The following RORA variants were observed in gnomAD, a reference collection of about 807,000 sequenced individuals.
RORA encodes nuclear receptor ROR-alpha.
A neutral mutation model predicts 69.5 loss-of-function variants in RORA; 7 were observed. The observed-to-expected ratio is 0.10, with a 90% CI of 0.06 to 0.19. The LOEUF is 0.19. Among genes scored for constraint, RORA ranks in the 10% least tolerant of loss-of-function variants. The pLI is 1.00. For missense variants in RORA, 457 were observed against 663.0 expected (o/e 0.69, Z 3.41); for synonymous variants, 261 against 240.8 (o/e 1.08, Z -0.78).
At chr15:60,855,139 T>G (rs1271633972) in intron 1 of RORA, among the ~76,000 whole-genome samples, 2 of 152,224 alleles carry the variant, frequency 1.3e-5, no homozygotes, top group Non-Finnish European at 2.9e-5. Flanking sequence ...CGCATATAAC[T>G]TCTTGGGAGA....
chr15:61,177,234 C>T (rs2079637219), intron 1 of RORA, among the ~76,000 whole-genome samples: 1 of 152,082 alleles, frequency 6.6e-6, no homozygotes, highest in South Asian at 2.1e-4. Context: ...CTAGAGAATC[C>T]AAGTGAGCAC....
chr15:60,824,177 T>G (rs2140382548), intron 1 of RORA, among the ~76,000 whole-genome samples: 1 of 152,306 alleles, frequency 6.6e-6, no homozygotes, highest in East Asian at 1.9e-4. Context: ...CACTATGGGC[T>G]GCCATAATCA....
rs1567202027 is a variant in RORA at position 60,819,757 on chromosome 15, A to ACACACACACACACACACACACACACG, written c.167-141072_167-141071insCGTGTGTGTGTGTGTGTGTGTGTGTG. On this transcript the variant is annotated intron_variant, in intron 1 of 10. Transcript: ENST00000335670. Reference sequence around the variant, plus strand: ...TGAAGTCAAACCCAGACACACACACACACACACACACACACACACACACAC... The same window carrying ACACACACACACACACACACACACACG: ...TGAAGTCAAACCCAGACACACACACACACACACACACACACACACACACACGCACACACACACACACACACACACAC... 2.6e-3 allele frequency among the ~76,000 whole-genome samples: 157 copies of ACACACACACACACACACACACACACG among 59,600 alleles called. 2 individuals are homozygous for ACACACACACACACACACACACACACG. The highest frequency in any genetic ancestry group is 5.7e-3 in the African/African-American group (152 of 26,670). The allele number at this position is 59,600 out of a possible 152,430, so 39.1% of individuals were successfully genotyped here.
intron 1 of RORA, among the ~76,000 whole-genome samples, chr15:60,906,878 G>A (rs968684378): frequency 6.6e-6 from 1 of 152,132 alleles, no homozygotes; most frequent in Non-Finnish European, 1.5e-5. Flanking sequence ...TTGAGCATTT[G>A]AGCTAAGAGC....
chr15:60,572,239 T>C (rs1412337454), intron 2 of RORA, among the ~76,000 whole-genome samples: 1 of 152,232 alleles, frequency 6.6e-6, no homozygotes, highest in South Asian at 2.1e-4. Context: ...GGAGAAGATG[T>C]GGTCCTGCAT....
intron 1 of RORA, among the ~76,000 whole-genome samples, chr15:61,135,146 T>TAA (rs59644906): frequency 0.021 from 1,160 of 56,570 alleles, 17 homozygotes; most frequent in African/African-American, 0.037. Flanking sequence ...CATCTCTTAC[T>TAA]AAAAAAAAAA....
At chr15:60,830,582 G>A (rs1446058268) in intron 1 of RORA, among the ~76,000 whole-genome samples, 3 of 152,146 alleles carry the variant, frequency 2.0e-5, no homozygotes, top group African/African-American at 7.2e-5. Context: ...CCTGGCTTCT[G>A]TAACTGTCTT....
chr15:61,041,955 G>A (rs1367147314), intron 1 of RORA, among the ~76,000 whole-genome samples: 3 of 152,164 alleles, frequency 2.0e-5, no homozygotes, highest in Non-Finnish European at 4.4e-5. Context: ...ACACAGAGAG[G>A]TTAAATAACT....
chr15:60,646,492 T>A (rs1299190671), intron 2 of RORA, among the ~76,000 whole-genome samples: 1 of 151,934 alleles, frequency 6.6e-6, no homozygotes, highest in Non-Finnish European at 1.5e-5. Flanking sequence ...TAGTGAGACA[T>A]GTGTCACTTT....
chr15:60,703,083 G>C (rs961052253), intron 1 of RORA, among the ~76,000 whole-genome samples: 1 of 151,914 alleles, frequency 6.6e-6, no homozygotes, highest in African/African-American at 2.4e-5. Context: ...AAGGAACAGT[G>C]TGGATGGTGA....
At chr15:60,802,650 C>T (rs183296101) in intron 1 of RORA, among the ~76,000 whole-genome samples, 14 of 152,196 alleles carry the variant, frequency 9.2e-5, no homozygotes, top group Admixed American at 5.2e-4. Context: ...GTGCATGTCA[C>T]GAGCCTGGTG....
chr15:60,995,799 A>G (rs1269852339), intron 1 of RORA, among the ~76,000 whole-genome samples: 1 of 152,178 alleles, frequency 6.6e-6, no homozygotes, highest in Non-Finnish European at 1.5e-5. Flanking sequence ...CCTCATTGTT[A>G]TGTCCACCAC....
At chr15:61,093,618 G>A (rs2078743667) in intron 1 of RORA, among the ~76,000 whole-genome samples, 1 of 152,232 alleles carries the variant, frequency 6.6e-6, no homozygotes, top group African/African-American at 2.4e-5. Flanking sequence ...TCAACAATAA[G>A]TAAGCATGCT....
intron 1 of RORA, among the ~76,000 whole-genome samples, chr15:61,119,425 T>C (rs1032617425): frequency 4.0e-5 from 6 of 150,910 alleles, no homozygotes; most frequent in Admixed American, 2.0e-4. Context: ...TATATATATA[T>C]ATATACACAC....
At chr15:61,126,031 T>C (rs2079139837) in intron 1 of RORA, among the ~76,000 whole-genome samples, 1 of 152,194 alleles carries the variant, frequency 6.6e-6, no homozygotes, top group South Asian at 2.1e-4. Flanking sequence ...TAAATTATAG[T>C]TTCGCAGCTG....
At chr15:60,518,387 C>T (rs1017540326) in intron 3 of RORA, among the ~76,000 whole-genome samples, 3 of 152,194 alleles carry the variant, frequency 2.0e-5, no homozygotes, top group African/African-American at 7.2e-5. Flanking sequence ...GACAGATTAT[C>T]AGTCTTACTG....
chr15:60,725,736 A>T (rs2071348832), intron 1 of RORA, among the ~76,000 whole-genome samples: 1 of 152,170 alleles, frequency 6.6e-6, no homozygotes, highest in Admixed American at 6.5e-5. Context: ...GCCTTTCGGG[A>T]TCTAGTCACT....
At chr15:60,984,913 T>A (rs1488766548) in intron 1 of RORA, among the ~76,000 whole-genome samples, 1 of 151,540 alleles carries the variant, frequency 6.6e-6, no homozygotes, top group South Asian at 2.1e-4. Flanking sequence ...AGGAACTAGT[T>A]CTTCACTATA....
intron 1 of RORA, among the ~76,000 whole-genome samples, chr15:60,699,705 T>G (rs2070955077): frequency 6.6e-6 from 1 of 152,208 alleles, no homozygotes; most frequent in Non-Finnish European, 1.5e-5. Flanking sequence ...GCATCTATAT[T>G]TAACACTTTC....
Sources: gnomAD v4.1 joint callset for allele counts (sites outside exome capture counted in the v4.1 genomes callset) on GRCh38, gnomAD v4.1.1 for gene constraint, MANE v1.5 for transcripts, NCBI Gene and HGNC (gene_info 2026-07-23, HGNC 2026-07-21) for gene names.